TMEM260: variants seen among roughly 807,000 people sequenced by gnomAD.
TMEM260 encodes transmembrane protein 260, also known as protein O-mannosyl-transferase TMEM260.
In TMEM260, 82 loss-of-function variants were observed where a neutral mutation model predicts 88.9. That is an observed-to-expected ratio of 0.92 (90% CI 0.77 to 1.11). The LOEUF (loss-of-function observed/expected upper bound fraction) is 1.11. Among genes scored for constraint, TMEM260 ranks in the 50% least tolerant of loss-of-function variants. TMEM260 has a pLI of 0.00. For synonymous variants in TMEM260, 314 were observed against 309.3 expected (o/e 1.02, Z -0.16); for missense variants, 902 against 853.4 (o/e 1.06, Z -0.71).
At chr14:56,618,354 A>G (rs1887710419) in intron 9 of TMEM260, among the ~76,000 whole-genome samples, 1 of 152,216 alleles carries the variant, frequency 6.6e-6, no homozygotes, top group Non-Finnish European at 1.5e-5. Context: ...AGGCCACAGT[A>G]TTGAAATGAA....
chr14:56,645,763 C>T (rs1415872668), intron 15 of TMEM260, among the ~76,000 whole-genome samples: 5 of 152,056 alleles, frequency 3.3e-5, no homozygotes, highest in Non-Finnish European at 7.4e-5. Flanking sequence ...TTGTGTGAGG[C>T]AACATGCTAC....
downstream of TMEM260, among the ~76,000 whole-genome samples, chr14:56,651,014 G>A (rs1428532952): frequency 6.6e-6 from 1 of 152,164 alleles, no homozygotes; most frequent in Non-Finnish European, 1.5e-5. Context: ...AACCCAGTAA[G>A]AGATTCACAT....
intron 15 of TMEM260, among the ~76,000 whole-genome samples, chr14:56,640,307 G>A (rs904460728): frequency 2.6e-5 from 4 of 151,578 alleles, no homozygotes; most frequent in South Asian, 4.2e-4. Flanking sequence ...ACTTCCAGAG[G>A]GACAATCAGG....
At chr14:56,595,331 G>GCCTC (rs1262454604) in intron 3 of TMEM260, among the ~76,000 whole-genome samples, 15 of 151,770 alleles carry the variant, frequency 9.9e-5, no homozygotes, top group Non-Finnish European at 2.2e-4. Flanking sequence ...TGATATGGAG[G>GCCTC]GTTCATTGTT....
chr14:56,618,389 C>T (rs1309749236), intron 9 of TMEM260, among the ~76,000 whole-genome samples: 1 of 151,704 alleles, frequency 6.6e-6, no homozygotes, highest in Non-Finnish European at 1.5e-5. Context: ...AAGGGAGATG[C>T]ACCTGTCAAA....
At chr14:56,626,937 T>C (rs1162328275) in intron 12 of TMEM260, among the ~76,000 whole-genome samples, 2 of 152,164 alleles carry the variant, frequency 1.3e-5, no homozygotes, top group African/African-American at 2.4e-5. Flanking sequence ...ATACACATAT[T>C]CATACATACT....
upstream of TMEM260, chr14:56,579,657 C>T: frequency 2.6e-6 from 1 of 384,302 alleles, no homozygotes; most frequent in Non-Finnish European, 4.6e-6. Context: ...GATTAGGAAC[C>T]TTAAATCACA....
rs563621600 is a variant in TMEM260, at chr14:56,618,511, A to G, written c.1057-83A>G. 3 of 1,297,936 alleles carry G rather than the reference A, an allele frequency of 2.3e-6. No homozygotes were observed. In the East Asian group the frequency reaches 7.0e-5, roughly 30 times the overall value. The allele number at this position is 1,297,936 out of a possible 1,614,324, so 80.4% of individuals were successfully genotyped here. A position where few individuals can be genotyped will look rare whatever the true frequency, so the allele number is the denominator to read the frequency against. On this transcript the variant is annotated intron_variant, in intron 9 of 15. Coordinates refer to ENST00000261556, the MANE Select transcript of TMEM260 (RefSeq NM_017799.4). ...CAGGCACACACAACTAGGTGCATGC[A>G]GCATATTTAAAAAATATATGAGGAG... is the stretch of plus-strand genomic sequence containing the variant.
chr14:56,581,705 A>G (rs1403122638), intron 1 of TMEM260, among the ~76,000 whole-genome samples: 2 of 152,198 alleles, frequency 1.3e-5, no homozygotes, highest in Non-Finnish European at 2.9e-5. Context: ...AGTAGGTGCA[A>G]TTATTATTTT....
Position 56,618,678 on chromosome 14 carries a change from C to G in TMEM260, c.1141C>G (p.Arg381Gly), listed in dbSNP as rs758076398. ...GGCTGCAGTTGTGTCTGAGACTAAC[C>G]GAGTGCTGAATAGCAATGGGCTTCA... ...GLAAVVSETN[R>G]VLNSNGLQCL... Residue 381 changes from arginine to glycine, a missense_variant, in exon 10 of 16, where the codon CGA (arginine) becomes GGA (glycine). Coordinates refer to ENST00000261556, the MANE Select transcript of TMEM260 (RefSeq NM_017799.4). 1 of 1,614,112 alleles carries G rather than the reference C, an allele frequency of 6.2e-7. No individual in the cohort carries two copies. The highest frequency in any genetic ancestry group is 8.5e-7 in the Non-Finnish European group (1 of 1,180,010).
intron 8 of TMEM260, 76 bp downstream of exon 8, chr14:56,616,103 A>G (rs1234269923): frequency 9.4e-7 from 1 of 1,067,456 alleles, no homozygotes; most frequent in East Asian, 2.4e-5. Flanking sequence ...ATGTCGCTGT[A>G]GGACATTGCC....
At chr14:56,598,854 A>G (rs1335206144) in intron 3 of TMEM260, among the ~76,000 whole-genome samples, 1 of 152,192 alleles carries the variant, frequency 6.6e-6, no homozygotes, top group African/African-American at 2.4e-5. Flanking sequence ...ACTAGTGCAC[A>G]TGTACCAACT....
downstream of TMEM260, among the ~76,000 whole-genome samples, chr14:56,653,035 T>G (rs1300950412): frequency 2.6e-5 from 4 of 151,970 alleles, no homozygotes; most frequent in East Asian, 7.8e-4. Flanking sequence ...GGCTCATGCC[T>G]GTAATCCCAG....
chr14:56,622,675 C>T (rs958274902), intron 11 of TMEM260, among the ~76,000 whole-genome samples: 9 of 151,862 alleles, frequency 5.9e-5, no homozygotes, highest in African/African-American at 1.9e-4. Context: ...AGGGAAGAAA[C>T]CTGTCTCTGG....
chr14:56,624,896 G>A (rs1413533169), intron 11 of TMEM260, among the ~76,000 whole-genome samples: 2 of 152,012 alleles, frequency 1.3e-5, no homozygotes, highest in Non-Finnish European at 2.9e-5. Flanking sequence ...GTGGGGGTGG[G>A]GAATGGTCTC....
chr14:56,661,321 A>G, the TMEM260 span, among the ~76,000 whole-genome samples: 3 of 152,058 alleles, frequency 2.0e-5, no homozygotes, highest in Non-Finnish European at 4.4e-5. Flanking sequence ...GAAAATGAAA[A>G]AGGGGAGAAA....
chr14:56,581,292 A>G (rs1321705297), intron 1 of TMEM260, among the ~76,000 whole-genome samples: 1 of 152,192 alleles, frequency 6.6e-6, no homozygotes, highest in East Asian at 1.9e-4. Flanking sequence ...GGACTTGGGG[A>G]TTAGTGGGGA....
intron 13 of TMEM260, among the ~76,000 whole-genome samples, chr14:56,634,126 A>G (rs1214107757): frequency 6.6e-6 from 1 of 152,226 alleles, no homozygotes. Context: ...TTTTAAGAGA[A>G]AGAAAAATCA....
At chr14:56,624,174 T>C (rs939436859) in intron 11 of TMEM260, among the ~76,000 whole-genome samples, 1 of 152,236 alleles carries the variant, frequency 6.6e-6, no homozygotes, top group Non-Finnish European at 1.5e-5. Context: ...TTATATCTTA[T>C]TCATTATAGA....
Sources: gnomAD v4.1 joint callset for allele counts (sites outside exome capture counted in the v4.1 genomes callset) on GRCh38, gnomAD v4.1.1 for gene constraint, MANE v1.5 for transcripts, NCBI Gene and HGNC (gene_info 2026-07-23, HGNC 2026-07-21) for gene names.